The following POU6F2 variants were observed in gnomAD, a reference collection of about 807,000 sequenced individuals.
POU6F2 encodes the protein POU domain, class 6, transcription factor 2.
A neutral mutation model predicts 71.3 loss-of-function variants in POU6F2; 31 were observed. The ratio of observed to expected loss-of-function variants is 0.43; its 90% confidence interval spans 0.33 to 0.59. The LOEUF is 0.59. POU6F2 is among the 20% of genes least tolerant of loss of function. POU6F2 has a pLI of 0.04. For synonymous variants in POU6F2, 347 were observed against 355.7 expected (o/e 0.98, Z 0.27); for missense variants, 783 against 856.8 (o/e 0.91, Z 1.07).
intron 5 of POU6F2, among the ~76,000 whole-genome samples, chr7:39,385,115 T>C (rs1320288744): frequency 6.6e-6 from 1 of 151,802 alleles, no homozygotes; most frequent in Non-Finnish European, 1.5e-5. Context: ...CCATGCAGAG[T>C]GACAAGAAAA....
intron 1 of POU6F2, among the ~76,000 whole-genome samples, chr7:39,068,796 A>T (rs980582680): frequency 6.6e-6 from 1 of 151,960 alleles, no homozygotes; most frequent in Non-Finnish European, 1.5e-5. Context: ...AAACTTGATA[A>T]CTCTTCTTTT....
At chr7:39,461,460 C>T (rs1229114608) in intron 9 of POU6F2, among the ~76,000 whole-genome samples, 1 of 152,164 alleles carries the variant, frequency 6.6e-6, no homozygotes, top group African/African-American at 2.4e-5. Context: ...AAAGGCACTT[C>T]GGTAAGAGCT....
chr7:39,412,911 CTGCCT>C (rs1415493688), intron 6 of POU6F2, among the ~76,000 whole-genome samples: 1 of 147,260 alleles, frequency 6.8e-6, no homozygotes, highest in Non-Finnish European at 1.5e-5. Flanking sequence ...TGCCATTCTC[CTGCCT>C]CATCCTCCCA....
rs1015007508 is a variant in POU6F2 at position 39,468,247 on chromosome 7, T to C, written c.*3561T>C. ...GATCTAGACTGGTCACCGGGGTCAC[T>C]TATGAGGCACCACAAAGAGATCTGC... On this transcript the variant is annotated 3_prime_UTR_variant, in exon 10 of 10. Coordinates refer to ENST00000518318, the MANE Select transcript of POU6F2 (RefSeq NM_001370959.1). The C allele has an allele frequency of 4.6e-5, 7 of 151,604 alleles. No homozygotes were observed. Among genetic ancestry groups the C allele is most frequent in the African/African-American group, 1.7e-4 (7 of 41,268 alleles). The allele number at this position is 151,604 out of a possible 1,614,324, so 9.4% of individuals were successfully genotyped here. A position where few individuals can be genotyped will look rare whatever the true frequency, so the allele number is the denominator to read the frequency against.
intron 2 of POU6F2, among the ~76,000 whole-genome samples, chr7:39,098,626 T>G (rs566737289): frequency 2.6e-5 from 4 of 152,136 alleles, no homozygotes; most frequent in African/African-American, 9.7e-5. Context: ...TGGAGTCAGG[T>G]TGTGTGGGCT....
intron 4 of POU6F2, among the ~76,000 whole-genome samples, chr7:39,225,073 C>A (rs1168426993): frequency 6.6e-6 from 1 of 152,148 alleles, no homozygotes; most frequent in Non-Finnish European, 1.5e-5. Context: ...AATTAAAAAA[C>A]AAAAACCTCA....
intron 2 of POU6F2, among the ~76,000 whole-genome samples, chr7:39,114,015 C>G (rs914599652): frequency 2.6e-5 from 4 of 151,988 alleles, no homozygotes; most frequent in African/African-American, 9.7e-5. Flanking sequence ...TTTAACTGAA[C>G]GCTAATTTGG....
chr7:39,400,391 CCCCACACCTTGGGCTTTCAATGA>C (rs2115870294), intron 5 of POU6F2, among the ~76,000 whole-genome samples: 1 of 152,244 alleles, frequency 6.6e-6, no homozygotes, highest in African/African-American at 2.4e-5. Context: ...CATGAGTTGC[CCCCACACCTTGGGCTTTCAATGA>C]CCTGCATCTG....
chr7:39,021,997 T>C (rs1013609438), intron 1 of POU6F2, among the ~76,000 whole-genome samples: 1 of 152,084 alleles, frequency 6.6e-6, no homozygotes, highest in African/African-American at 2.4e-5. Context: ...ATCCAGAAAT[T>C]TGTCAGGATA....
intron 5 of POU6F2, among the ~76,000 whole-genome samples, chr7:39,388,472 C>T (rs1227319639): frequency 6.6e-6 from 1 of 152,182 alleles, no homozygotes; most frequent in Non-Finnish European, 1.5e-5. Context: ...CCCGCCACCA[C>T]TCCCAGCTGA....
chr7:39,400,523 C>T (rs1435986027), intron 5 of POU6F2, among the ~76,000 whole-genome samples: 7 of 152,154 alleles, frequency 4.6e-5, no homozygotes, highest in African/African-American at 1.2e-4. Flanking sequence ...TCATCTTCAC[C>T]CCACGGGCTG....
intron 4 of POU6F2, among the ~76,000 whole-genome samples, chr7:39,250,471 C>T (rs567820427): frequency 6.6e-6 from 1 of 152,312 alleles, no homozygotes; most frequent in East Asian, 1.9e-4. Context: ...ACAAGGAAAA[C>T]AAACCCTTCT....
At chr7:39,035,893 C>T (rs554262908) in intron 1 of POU6F2, among the ~76,000 whole-genome samples, 1 of 148,912 alleles carries the variant, frequency 6.7e-6, no homozygotes, top group East Asian at 2.0e-4. Flanking sequence ...CGCCACAGGT[C>T]CTGGCAGCCT....
At chr7:39,110,612 C>G (rs1791787682) in intron 2 of POU6F2, among the ~76,000 whole-genome samples, 1 of 151,984 alleles carries the variant, frequency 6.6e-6, no homozygotes, top group South Asian at 2.1e-4. Context: ...AGAGGAAATA[C>G]TAATAATATA....
intron 8 of POU6F2, among the ~76,000 whole-genome samples, chr7:39,458,270 C>G (rs1200416228): frequency 3.3e-5 from 5 of 152,282 alleles, no homozygotes; most frequent in African/African-American, 4.8e-5. Context: ...TTCCAGCCCA[C>G]TGGACATTAC....
At chr7:39,454,710 ATATATATATATATAT>A (rs1788755520) in intron 8 of POU6F2, among the ~76,000 whole-genome samples, 2 of 87,816 alleles carry the variant, frequency 2.3e-5, no homozygotes, top group Non-Finnish European at 2.3e-5. Flanking sequence ...ATATATATAT[ATATATATATATATAT>A]ATAAAATAAG....
intron 4 of POU6F2, among the ~76,000 whole-genome samples, chr7:39,312,974 G>A (rs1196394263): frequency 6.6e-6 from 1 of 152,132 alleles, no homozygotes; most frequent in Non-Finnish European, 1.5e-5. Context: ...TGCTGACCAC[G>A]GGTAATTGAA....
At chr7:39,425,780 C>T (rs1310472525) in intron 6 of POU6F2, among the ~76,000 whole-genome samples, 1 of 152,132 alleles carries the variant, frequency 6.6e-6, no homozygotes, top group Non-Finnish European at 1.5e-5. Context: ...TCTTAGTTGA[C>T]AAAGTCCTGA....
chr7:39,006,139 T>C (rs1789061274), intron 1 of POU6F2, among the ~76,000 whole-genome samples: 1 of 152,146 alleles, frequency 6.6e-6, no homozygotes, highest in Admixed American at 6.5e-5. Flanking sequence ...ATCTTACACC[T>C]GATCACATTT....
Sources: gnomAD v4.1 joint callset for allele counts (sites outside exome capture counted in the v4.1 genomes callset) on GRCh38, gnomAD v4.1.1 for gene constraint, MANE v1.5 for transcripts, NCBI Gene and HGNC (gene_info 2026-07-23, HGNC 2026-07-21) for gene names.